Variants in ILRUN observed in about 807,000 individuals in gnomAD.
The protein encoded by ILRUN is protein ILRUN.
ILRUN carries 3 observed loss-of-function variants against 33.8 expected under a neutral mutation model. The ratio of observed to expected loss-of-function variants is 0.09; its 90% CI spans 0.04 to 0.23. The LOEUF is 0.23. ILRUN is among the 10% of genes least tolerant of loss of function. The pLI is 1.00. For missense variants in ILRUN, 210 were observed against 375.1 expected, an observed-to-expected ratio of 0.56 and a Z score of 3.64; for synonymous variants, 124 against 138.9, an observed-to-expected ratio of 0.89 and a Z score of 0.75.
chr6:34,678,782 G>C (rs1354548326), intron 1 of ILRUN, among the ~76,000 whole-genome samples: 1 of 145,156 alleles, frequency 6.9e-6, no homozygotes, highest in Non-Finnish European at 1.5e-5. Flanking sequence ...GAGAACCCGG[G>C]AGGCAGAGCT....
At chr6:34,690,620 T>C (rs955261806) in intron 1 of ILRUN, among the ~76,000 whole-genome samples, 1 of 152,132 alleles carries the variant, frequency 6.6e-6, no homozygotes, top group African/African-American at 2.4e-5. Context: ...TTAAAAAATA[T>C]GAACCCATTA....
chr6:34,623,387 C>A (rs1762047194), intron 3 of ILRUN, among the ~76,000 whole-genome samples: 1 of 152,118 alleles, frequency 6.6e-6, no homozygotes, highest in African/African-American at 2.4e-5. Context: ...TGACATCTTG[C>A]AACAATCCCA....
At chr6:34,664,476 T>G (rs542171801) in intron 1 of ILRUN, among the ~76,000 whole-genome samples, 4 of 152,298 alleles carry the variant, frequency 2.6e-5, no homozygotes, top group African/African-American at 4.8e-5. Context: ...GGGATCAAAA[T>G]GGTGCTGTTT....
At chr6:34,694,729 A>G (rs867508659) in intron 1 of ILRUN, among the ~76,000 whole-genome samples, 1 of 152,098 alleles carries the variant, frequency 6.6e-6, no homozygotes, top group Admixed American at 6.6e-5. Flanking sequence ...AAGATAAAAT[A>G]GTAGGACCCA....
chr6:34,677,439 A>AT (rs1171201343), intron 1 of ILRUN, among the ~76,000 whole-genome samples: 1 of 152,244 alleles, frequency 6.6e-6, no homozygotes, highest in Non-Finnish European at 1.5e-5. Context: ...GAGTCATGAA[A>AT]AACAGATATG....
At chr6:34,670,836 C>A (rs7748836) in intron 1 of ILRUN, among the ~76,000 whole-genome samples, 23,478 of 141,474 alleles carry the variant, frequency 0.17, 2,659 homozygotes, top group African/African-American at 0.32. Context: ...CAGAGTGAGA[C>A]CCTGTCTCAA....
At chr6:34,645,533 C>T (rs1017073977) in intron 3 of ILRUN, among the ~76,000 whole-genome samples, 3 of 152,036 alleles carry the variant, frequency 2.0e-5, no homozygotes, top group African/African-American at 7.2e-5. Flanking sequence ...CCCCACCACG[C>T]CAGGCTAATT....
Position 34,590,528 on chromosome 6 carries a change from C to G in ILRUN, c.*37G>C. On this transcript the variant is annotated 3_prime_UTR_variant, in exon 5 of 5. Transcript: ENST00000374023. ...CCCTAACCCCCCAAAGTCAGGCCTT[C>G]TGTCTTTTGTTAATTTTTCTTCTTG... The G allele has an allele frequency of 6.2e-7, 1 of 1,613,766 alleles. No homozygotes were observed. The highest frequency in any genetic ancestry group is 8.5e-7 in the Non-Finnish European group (1 of 1,179,760).
chr6:34,607,389 G>A (rs1761656490), intron 3 of ILRUN, among the ~76,000 whole-genome samples: 1 of 152,224 alleles, frequency 6.6e-6, no homozygotes, highest in Non-Finnish European at 1.5e-5. Flanking sequence ...AAATGAGAGT[G>A]AAAGAGGGAC....
chr6:34,633,064 T>C (rs1562010629), intron 3 of ILRUN, among the ~76,000 whole-genome samples: 1 of 152,048 alleles, frequency 6.6e-6, no homozygotes, highest in Non-Finnish European at 1.5e-5. Flanking sequence ...CCAAATAAAA[T>C]GATACATGCA....
intron 3 of ILRUN, among the ~76,000 whole-genome samples, chr6:34,634,465 T>C (rs1383213966): frequency 6.6e-6 from 1 of 151,852 alleles, no homozygotes; most frequent in Non-Finnish European, 1.5e-5. Flanking sequence ...TTAATAAAAT[T>C]AAGAGCAGAA....
At chr6:34,693,812 C>T (rs1219673805) in intron 1 of ILRUN, among the ~76,000 whole-genome samples, 1 of 151,758 alleles carries the variant, frequency 6.6e-6, no homozygotes, top group East Asian at 1.9e-4. Context: ...GTTTTATAAT[C>T]CAACTATATT....
chr6:34,591,969 TCA>T (rs1190614599), intron 4 of ILRUN, among the ~76,000 whole-genome samples: 8 of 152,138 alleles, frequency 5.3e-5, no homozygotes, highest in Non-Finnish European at 1.0e-4. Flanking sequence ...GGAAGAAGCT[TCA>T]CAGTCTTGCT....
intron 1 of ILRUN, among the ~76,000 whole-genome samples, chr6:34,685,099 G>A (rs1252313698): frequency 6.6e-6 from 1 of 152,128 alleles, no homozygotes; most frequent in African/African-American, 2.4e-5. Flanking sequence ...TGTTAAACTA[G>A]TAACATAATC....
At chr6:34,689,512 C>CA (rs1763602143) in intron 1 of ILRUN, among the ~76,000 whole-genome samples, 1 of 152,036 alleles carries the variant, frequency 6.6e-6, no homozygotes, top group African/African-American at 2.4e-5. Context: ...CCCTTCCTTA[C>CA]CCTCTTCCTA....
chr6:34,627,747 A>C (rs903508599), intron 3 of ILRUN, among the ~76,000 whole-genome samples: 2 of 140,940 alleles, frequency 1.4e-5, no homozygotes, highest in Non-Finnish European at 3.0e-5. Context: ...CTTGTAGCCC[A>C]GGCTGGAGTG....
chr6:34,662,758 A>G (rs577078131), intron 1 of ILRUN, among the ~76,000 whole-genome samples: 97 of 152,182 alleles, frequency 6.4e-4, no homozygotes, highest in Non-Finnish European at 1.1e-3. Flanking sequence ...TATACTTAAC[A>G]CGCTACGGAA....
intron 3 of ILRUN, among the ~76,000 whole-genome samples, chr6:34,638,931 T>C (rs1178978637): frequency 6.6e-6 from 1 of 152,186 alleles, no homozygotes; most frequent in Admixed American, 6.5e-5. Flanking sequence ...CAGAATAGCA[T>C]GTGAGTAGAA....
At chr6:34,596,288 C>T (rs1452245009) in intron 4 of ILRUN, among the ~76,000 whole-genome samples, 2 of 152,174 alleles carry the variant, frequency 1.3e-5, no homozygotes, top group Non-Finnish European at 2.9e-5. Context: ...ACATTGGTCT[C>T]ACTCTGTCGC....
Sources: gnomAD v4.1 joint callset for allele counts (sites outside exome capture counted in the v4.1 genomes callset) on GRCh38, gnomAD v4.1.1 for gene constraint, MANE v1.5 for transcripts, NCBI Gene and HGNC (gene_info 2026-07-23, HGNC 2026-07-21) for gene names.